RNF208: variants seen among roughly 807,000 people sequenced by gnomAD.
RNF208 encodes ring finger protein 208.
Under a neutral mutation model 15.2 loss-of-function variants are expected in RNF208, and 7 were observed. That is an observed-to-expected ratio of 0.46 (90% CI 0.26 to 0.86). The LOEUF (loss-of-function observed/expected upper bound fraction) is 0.86, where lower values mean the gene tolerates loss of function less well. Among genes scored for constraint, RNF208 ranks in the 40% least tolerant of loss-of-function variants. The pLI is 0.16. For missense variants in RNF208, 342 were observed against 364.1 expected (o/e 0.94, Z 0.49); for synonymous variants, 211 against 163.2 (o/e 1.29, Z -2.23).
chr9:137,220,757 G>A lies in RNF208; in HGVS notation c.456C>T (p.Val152=). Residue 152 remains valine, a synonymous_variant, in exon 2 of 2, where the codon GTC becomes GTT. Coordinates refer to ENST00000391553, the MANE Select transcript of RNF208 (RefSeq NM_031297.7). ...ACAGCACGCGGGGCCTCCGCTGGGT[G>A]ACATTGTAGGAGTGCCCACAGGTGG... ...ECPTCGHSYN[V]TQRRPRVLSC... The A allele has an allele frequency of 6.2e-7, 1 of 1,612,222 alleles. No homozygotes were observed. Among genetic ancestry groups the A allele is most frequent in the African/African-American group, 1.3e-5 (1 of 75,048 alleles).
upstream of RNF208, among the ~76,000 whole-genome samples, chr9:137,222,955 G>A (rs1034835088): frequency 3.9e-5 from 6 of 152,262 alleles, no homozygotes; most frequent in Admixed American, 1.3e-4. Context: ...GTCACCGTGA[G>A]GCAGGGGACC....
chr9:137,221,108 A>G lies in RNF208; in HGVS notation c.105T>C (p.Ile35=). 6.2e-7 allele frequency: 1 copy of G among 1,605,848 alleles called. No individual in the cohort carries two copies. The highest frequency in any genetic ancestry group is 8.5e-7 in the Non-Finnish European group (1 of 1,176,448). Residue 35 remains isoleucine (I), a synonymous_variant, in exon 2 of 2, where the codon ATT becomes ATC. Transcript: ENST00000391553. ...HVILKMEAMK[I]VHPEKFPELP... ...GCTCAGGGAACTTTTCAGGGTGGACAATCTTCATGGCCTCCATCTTGAGGA... is the reference window on the plus strand; with the variant it reads ...GCTCAGGGAACTTTTCAGGGTGGACGATCTTCATGGCCTCCATCTTGAGGA...
In RNF208 at chr9:137,220,363, G is replaced by A. The variant is rs1384060760; in HGVS notation, c.*64C>T. On this transcript the variant is annotated 3_prime_UTR_variant, in exon 2 of 2. Coordinates refer to ENST00000391553, the MANE Select transcript of RNF208 (RefSeq NM_031297.7). Reference sequence around the variant, plus strand: ...GGAAGGGTCAGCGGGCGGCAGGGCAGGGCCGGGTCCCTGAAGAAGCAGCGA... The same window carrying A: ...GGAAGGGTCAGCGGGCGGCAGGGCAAGGCCGGGTCCCTGAAGAAGCAGCGA... 1.4e-6 allele frequency: 2 copies of A among 1,474,492 alleles called. No homozygotes were observed. Among genetic ancestry groups the A allele is most frequent in the Non-Finnish European group, 1.8e-6 (2 of 1,107,236 alleles). 91.3% of individuals were successfully genotyped at this position (1,474,492 alleles called of 1,614,324 possible). A position where few individuals can be genotyped will look rare whatever the true frequency, so the allele number is the denominator to read the frequency against.
chr9:137,221,313 G>C lies in RNF208; in HGVS notation c.-101C>G. 3.2e-6 allele frequency: 3 copies of C among 930,308 alleles called. No homozygotes were observed. The highest frequency in any genetic ancestry group is 4.6e-6 in the Non-Finnish European group (3 of 654,394). 57.6% of individuals were successfully genotyped at this position (930,308 alleles called of 1,614,324 possible). A position where few individuals can be genotyped will look rare whatever the true frequency, so the allele number is the denominator to read the frequency against. Reference sequence around the variant, plus strand: ...AGCATCCTGGTCCCGCCAGGCCTGGGGGGGGCCCCGGACGGCCCGTGGACT... The same window carrying C: ...AGCATCCTGGTCCCGCCAGGCCTGGCGGGGGCCCCGGACGGCCCGTGGACT... On this transcript the variant is annotated 5_prime_UTR_variant, in exon 2 of 2. Coordinates refer to ENST00000391553, the MANE Select transcript of RNF208 (RefSeq NM_031297.7).
chr9:137,222,842 C>T (rs1835893749), upstream of RNF208, among the ~76,000 whole-genome samples: 1 of 152,186 alleles, frequency 6.6e-6, no homozygotes, highest in Non-Finnish European at 1.5e-5. Flanking sequence ...CAGGGTGGCC[C>T]CTGGCACTCC....
chr9:137,221,317 G>C lies in RNF208; in HGVS notation c.-105C>G. 1 of 808,114 alleles carries C rather than the reference G, an allele frequency of 1.2e-6. No homozygotes were observed. The highest frequency in any genetic ancestry group is 1.8e-6 in the Non-Finnish European group (1 of 544,060). The allele number at this position is 808,114 out of a possible 1,614,324, so 50.1% of individuals were successfully genotyped here. A position where few individuals can be genotyped will look rare whatever the true frequency, so the allele number is the denominator to read the frequency against. ...TCCTGGTCCCGCCAGGCCTGGGGGG[G>C]GCCCCGGACGGCCCGTGGACTCCTA... On this transcript the variant is annotated 5_prime_UTR_variant, in exon 2 of 2. Coordinates refer to ENST00000391553, the MANE Select transcript of RNF208 (RefSeq NM_031297.7).
At chr9:137,223,273 G>A (rs1174492826), upstream of RNF208, among the ~76,000 whole-genome samples, 1 of 152,244 alleles carries the variant, frequency 6.6e-6, no homozygotes, top group Non-Finnish European at 1.5e-5. Context: ...TGACAGGGGC[G>A]CTGCTGGAGG....
upstream of RNF208, among the ~76,000 whole-genome samples, chr9:137,223,398 G>T (rs1017291401): frequency 6.6e-6 from 1 of 152,182 alleles, no homozygotes; most frequent in Non-Finnish European, 1.5e-5. Flanking sequence ...GTGCGCCCGA[G>T]GAAGCACCAG....
At position 137,220,462 on chromosome 9, in the gene RNF208, C is replaced by G. The variant is rs377081923; in HGVS notation, c.751G>C (p.Val251Leu). The G allele has an allele frequency of 1.7e-5, 27 of 1,597,086 alleles. No homozygotes were observed. Among genetic ancestry groups the G allele is most frequent in the Non-Finnish European group, 2.1e-5 (25 of 1,171,640 alleles). Residue 251 changes from valine (V) to leucine (L), a missense_variant, in exon 2 of 2, where the codon GTG (valine) becomes CTG (leucine). Physicochemically the swap from Val to Leu is conservative, Grantham distance 32. This residue lies in a region of RNF208 where 59 missense variants were observed against 52.4 expected (regional missense o/e 1.13). Transcript: ENST00000391553. ...QYCGAACTCH[V>L]RNPLSACSIM is the part of the protein sequence containing the mutation. ...GAGCAGGCGGACAGTGGGTTCCGCA[C>G]GTGGCAGGTGCACGCGGCCCCACAG...
At chr9:137,222,410 C>T (rs1835885595), upstream of RNF208, among the ~76,000 whole-genome samples, 1 of 151,898 alleles carries the variant, frequency 6.6e-6, no homozygotes, top group African/African-American at 2.4e-5. Context: ...GGGCAGGACC[C>T]CCGCGTCGCC....
chr9:137,222,876 G>A (rs945326654), upstream of RNF208, among the ~76,000 whole-genome samples: 1 of 152,206 alleles, frequency 6.6e-6, no homozygotes, highest in Non-Finnish European at 1.5e-5. Flanking sequence ...GGGCCTCTCC[G>A]CTTCCTCACC....
Position 137,222,065 on chromosome 9 carries a change from G to A in RNF208, c.-603C>T, listed in dbSNP as rs1483090635. ...AAAGGCAGGCCCGGACGCGGCGCCC[G>A]CGCCTCGGCCCGGCAGCTCGGGGGG... On this transcript the variant is annotated 5_prime_UTR_variant, in exon 1 of 2. Coordinates refer to ENST00000391553, the MANE Select transcript of RNF208 (RefSeq NM_031297.7). Among the ~76,000 whole-genome samples, 2 of 149,022 alleles carry A rather than the reference G, an allele frequency of 1.3e-5. No individual in the cohort carries two copies. The highest frequency in any genetic ancestry group is 2.4e-5 in the African/African-American group (1 of 41,050).
rs1013570689 is a variant in RNF208, at chr9:137,221,451, C to T, written c.-239G>A. 5.0e-5 allele frequency: 1 copy of T among 20,120 alleles called. No homozygotes were observed. The highest frequency in any genetic ancestry group is 2.0e-4 in the African/African-American group (1 of 5,100). 1.2% of individuals were successfully genotyped at this position (20,120 alleles called of 1,614,324 possible). On this transcript the variant is annotated 5_prime_UTR_variant, in exon 2 of 2. Coordinates refer to ENST00000391553, the MANE Select transcript of RNF208 (RefSeq NM_031297.7). The stretch of plus-strand genomic sequence containing the variant: ...AAGGGGTGGGGGAGGGGGAGGCAGG[C>T]GGGGGCAGGGAGGGGTGGGAGGCTG...
chr9:137,221,053 G>C lies in RNF208; in HGVS notation c.160C>G (p.Pro54Ala), dbSNP rs200719013. 1.2e-6 allele frequency: 2 copies of C among 1,600,060 alleles called. No individual in the cohort carries two copies. The highest frequency in any genetic ancestry group is 2.7e-5 in the African/African-American group (2 of 74,782). ...LPAAPCFPPA[P>A]RPTPTLAPKR... ...GGTGCCAGAGTTGGGGTGGGCCGGGGAGCAGGCGGGAAGCAGGGGGCAGCC... is the reference window on the plus strand; with the variant it reads ...GGTGCCAGAGTTGGGGTGGGCCGGGCAGCAGGCGGGAAGCAGGGGGCAGCC... Residue 54 changes from proline (P) to alanine (A), a missense_variant, in exon 2 of 2, where the codon CCC (proline) becomes GCC (alanine). Pro to Ala is a conservative substitution (Grantham distance 27, BLOSUM62 -1). Coordinates refer to ENST00000391553, the MANE Select transcript of RNF208 (RefSeq NM_031297.7).
rs529776049 is a variant in RNF208 at position 137,220,334 on chromosome 9, G to A, written c.*93C>T. 1.5e-6 allele frequency: 2 copies of A among 1,347,980 alleles called. No homozygotes were observed. The highest frequency in any genetic ancestry group is 2.5e-5 in the East Asian group (1 of 40,236). The allele number at this position is 1,347,980 out of a possible 1,614,324, so 83.5% of individuals were successfully genotyped here. On this transcript the variant is annotated 3_prime_UTR_variant, in exon 2 of 2. Coordinates refer to ENST00000391553, the MANE Select transcript of RNF208 (RefSeq NM_031297.7). ...GGGGTGGGGCCGGAAGCCATGGTGG[G>A]GAAGGAAGGGTCAGCGGGCGGCAGG...
upstream of RNF208, among the ~76,000 whole-genome samples, chr9:137,222,267 C>T (rs1835882189): frequency 6.8e-6 from 1 of 146,520 alleles, no homozygotes; most frequent in Non-Finnish European, 1.5e-5. Flanking sequence ...GACCGCAGTG[C>T]GCGCGGCGCC....
chr9:137,222,303 C>T (rs1480454389), upstream of RNF208, among the ~76,000 whole-genome samples: 5 of 148,250 alleles, frequency 3.4e-5, no homozygotes, highest in Admixed American at 3.3e-4. Flanking sequence ...CGCCACCCCC[C>T]GTCTGGGGAC....
rs2131388286 is a variant in RNF208 at position 137,222,117 on chromosome 9, G to A, written c.-655C>T. On this transcript the variant is annotated 5_prime_UTR_variant, in exon 1 of 2. Coordinates refer to ENST00000391553, the MANE Select transcript of RNF208 (RefSeq NM_031297.7). ...TCCGGCGGCTCCGGCGGCGGCCGCA[G>A]CGACCTCAGGCGATGGCGGGGCCCG... 6.8e-6 allele frequency among the ~76,000 whole-genome samples: 1 copy of A among 146,978 alleles called. No homozygotes were observed. The highest frequency in any genetic ancestry group is 1.5e-5 in the Non-Finnish European group (1 of 66,044).
chr9:137,221,295 T>G lies in RNF208; in HGVS notation c.-83A>C. On this transcript the variant is annotated 5_prime_UTR_variant, in exon 2 of 2. Coordinates refer to ENST00000391553, the MANE Select transcript of RNF208 (RefSeq NM_031297.7). ...GGGGGCAGGTGACAGGGCAGCATCC[T>G]GGTCCCGCCAGGCCTGGGGGGGGCC... 69 of 944,316 alleles carry G rather than the reference T, an allele frequency of 7.3e-5. No homozygotes were observed. Among genetic ancestry groups the G allele is most frequent in the East Asian group, 3.6e-4 (10 of 27,560 alleles). The allele number at this position is 944,316 out of a possible 1,614,324, so 58.5% of individuals were successfully genotyped here.
Sources: allele counts gnomAD v4.1 joint callset (sites outside exome capture counted in the v4.1 genomes callset), GRCh38; gene constraint gnomAD v4.1.1; regional missense constraint gnomAD v4.1.1; transcripts MANE v1.5; gene names NCBI Gene and HGNC (gene_info 2026-07-23, HGNC 2026-07-21).